Variants in SULT1A1 observed in about 807,000 individuals in gnomAD.
The protein encoded by SULT1A1 is sulfotransferase family 1A member 1, also known as sulfotransferase 1A1.
A neutral mutation model predicts 36.8 loss-of-function variants in SULT1A1; 35 were observed. The observed-to-expected ratio is 0.95, with a 90% confidence interval of 0.73 to 1.26. The LOEUF (loss-of-function observed/expected upper bound fraction) is 1.26, where lower values mean the gene tolerates loss of function less well. Among genes scored for constraint, SULT1A1 ranks in the 50% most tolerant of loss-of-function variants. The pLI, the probability that SULT1A1 is intolerant of heterozygous loss-of-function variation, is 0.00. For missense variants in SULT1A1, 309 were observed against 383.0 expected (o/e 0.81, Z 1.61); for synonymous variants, 119 against 146.0 (o/e 0.82, Z 1.33).
At position 28,609,331 on chromosome 16, in the gene SULT1A1, G is replaced by A. The variant is rs35067810; in HGVS notation, c.-4-472C>T. On this transcript the variant is annotated intron_variant, in intron 1 of 7. Coordinates refer to ENST00000314752, the MANE Select transcript of SULT1A1 (RefSeq NM_001055.4). The stretch of plus-strand genomic sequence containing the variant: ...CCTCAGCCCCTCACATGTGGAAACC[G>A]CCCAGGCCAGCCAGGCCTGTGATCC... 941 of 1,285,974 alleles carry A rather than the reference G, an allele frequency of 7.3e-4. 4 individuals carry two copies. The African/African-American group carries it at 0.013, about 18-fold the overall frequency. 79.7% of individuals were successfully genotyped at this position (1,285,974 alleles called of 1,614,324 possible). A position where few individuals can be genotyped will look rare whatever the true frequency, so the allele number is the denominator to read the frequency against.
At chr16:28,620,136 AT>A (rs772627531) in intron 1 of SULT1A1, 61 of 1,612,042 alleles carry the variant, frequency 3.8e-5, no homozygotes, top group Non-Finnish European at 5.0e-5. Context: ...GCTCATACCT[AT>A]TTGCAAAAAC....
rs867573386 is a variant in SULT1A1 at position 28,607,109 on chromosome 16, A to G, written c.373-32T>C. ...GGGCAGAAGACTCAACCCCAGCACCATCACCACACAGCCTGTCCCAGGCCA... is the reference window on the plus strand; with the variant it reads ...GGGCAGAAGACTCAACCCCAGCACCGTCACCACACAGCCTGTCCCAGGCCA... On this transcript the variant is annotated intron_variant, in intron 4 of 7. Transcript: ENST00000314752. The G allele has an allele frequency of 1.4e-5, 23 of 1,610,288 alleles. No homozygotes were observed. The Middle Eastern group carries it at 2.5e-3, about 174-fold the overall frequency.
At position 28,618,339 on chromosome 16, in the gene SULT1A1, CTTT is replaced by C. The variant is rs546277570; in HGVS notation, c.138+1721_138+1723del. 1.6e-3 allele frequency among the ~76,000 whole-genome samples: 113 copies of C among 72,402 alleles called. No individual in the cohort carries two copies. The East Asian group carries it at 0.051, about 32-fold the overall frequency. The allele number at this position is 72,402 out of a possible 152,430, so 47.5% of individuals were successfully genotyped here. ...AAGTGTGAGCCGGCTACTTCCCGCT[CTTT>C]TTTTTTTTTTTTTTTTTTTTTGAGA... On this transcript the variant is annotated intron_variant, in intron 2 of 5. Coordinates refer to the SULT1A1 transcript ENST00000350842.
At chr16:28,619,204 G>C (rs987695738) in intron 2 of SULT1A1, among the ~76,000 whole-genome samples, 1 of 151,972 alleles carries the variant, frequency 6.6e-6, no homozygotes, top group African/African-American at 2.4e-5. Flanking sequence ...GTAGAGACAG[G>C]GTTTCACCAT....
intron 1 of SULT1A1, among the ~76,000 whole-genome samples, chr16:28,621,922 CCT>C (rs1262184302): frequency 6.6e-6 from 1 of 152,194 alleles, no homozygotes; most frequent in Non-Finnish European, 1.5e-5. Context: ...AGCCTCCTGA[CCT>C]CAACCTGTTC....
Position 28,617,974 on chromosome 16 carries a change from T to G in SULT1A1, c.138+2089A>C, listed in dbSNP as rs561647426. Among the ~76,000 whole-genome samples the G allele has an allele frequency of 2.2e-4, 33 of 152,190 alleles. No homozygotes were observed. In the South Asian group the frequency reaches 4.4e-3, roughly 20 times the overall value. On this transcript the variant is annotated intron_variant, in intron 2 of 5. Coordinates refer to the SULT1A1 transcript ENST00000350842. The stretch of plus-strand genomic sequence containing the variant: ...GTTTTTTAAAACAGTATGCAAATAT[T>G]CCTGCGGTTTTGTTCATTTACAAAT...
chr16:28,611,159 T>C (rs116852869), upstream of SULT1A1: 1,679 of 152,240 alleles, frequency 0.011, 47 homozygotes, highest in Non-Finnish European at 0.014. Context: ...TATTGCACTC[T>C]AGTAACAACC....
intron 1 of SULT1A1, among the ~76,000 whole-genome samples, chr16:28,621,098 C>T (rs916005634): frequency 2.0e-5 from 3 of 150,794 alleles, no homozygotes; most frequent in East Asian, 1.9e-4. Context: ...GATGATAAAG[C>T]GAGACTCTGT....
upstream of SULT1A1, chr16:28,611,513 CTT>C (rs1013090824): frequency 1.3e-5 from 2 of 152,370 alleles, no homozygotes; most frequent in Non-Finnish European, 2.9e-5. Flanking sequence ...CTTGAGAAAT[CTT>C]TACCTTTTCC....
chr16:28,609,561 G>T, intron 1 of SULT1A1: 1 of 461,514 alleles, frequency 2.2e-6, no homozygotes, highest in Non-Finnish European at 3.7e-6. Context: ...ACCTGGTGCA[G>T]CATTGCAAGA....
chr16:28,618,819 C>A (rs925461916), intron 2 of SULT1A1, among the ~76,000 whole-genome samples: 1 of 152,154 alleles, frequency 6.6e-6, no homozygotes, highest in African/African-American at 2.4e-5. Flanking sequence ...AAAACATTGG[C>A]TCTGAATGTG....
At chr16:28,608,214 C>T in intron 4 of SULT1A1, 77 bp downstream of exon 4, 2 of 1,580,088 alleles carry the variant, frequency 1.3e-6, no homozygotes, top group African/African-American at 1.3e-5. Flanking sequence ...CTCAAACTCC[C>T]AACCTCAGGT....
At chr16:28,606,916 T>A in intron 5 of SULT1A1, 35 bp downstream of exon 5, 1 of 1,610,744 alleles carries the variant, frequency 6.2e-7, no homozygotes, top group Non-Finnish European at 8.5e-7. Context: ...CACCACCCCT[T>A]AGCTCCACAC....
At position 28,617,772 on chromosome 16, in the gene SULT1A1, C is replaced by G. The variant is rs528260577; in HGVS notation, c.138+2291G>C. On this transcript the variant is annotated intron_variant, in intron 2 of 5. Transcript: ENST00000350842. ...GGCCAGGATGGTCTCAATCTCTTGACCTAGTGATCCGCCTGCCAAAGTGCT... is the reference window on the plus strand; with the variant it reads ...GGCCAGGATGGTCTCAATCTCTTGAGCTAGTGATCCGCCTGCCAAAGTGCT... Among the ~76,000 whole-genome samples, 9 of 152,164 alleles carry G rather than the reference C, an allele frequency of 5.9e-5. No individual in the cohort carries two copies. The South Asian group carries it at 1.9e-3, about 32-fold the overall frequency.
At chr16:28,614,757 T>C (rs72483420), upstream of SULT1A1, 21,360 of 132,770 alleles carry the variant, frequency 0.16, 4,601 homozygotes, top group African/African-American at 0.36. Context: ...ATTGTGCTGC[T>C]GGACCTGACA....
At chr16:28,618,572 C>T (rs1180788453) in intron 2 of SULT1A1, among the ~76,000 whole-genome samples, 1 of 151,830 alleles carries the variant, frequency 6.6e-6, no homozygotes, top group Non-Finnish European at 1.5e-5. Flanking sequence ...TCTCGATCTC[C>T]CGACCTTGTG....
intron 2 of SULT1A1, 50 bp from the exon 3 acceptor site, chr16:28,608,653 C>T: frequency 6.2e-7 from 1 of 1,611,204 alleles, no homozygotes; most frequent in Non-Finnish European, 8.5e-7. Context: ...CACGACCTCG[C>T]TGGCCAAGGT....
intron 1 of SULT1A1, among the ~76,000 whole-genome samples, chr16:28,621,274 G>T: frequency 6.6e-6 from 1 of 151,814 alleles, no homozygotes; most frequent in Non-Finnish European, 1.5e-5. Context: ...TTGAGTTCAG[G>T]AGTTCGAGAC....
At chr16:28,615,207 C>T (rs1343839178) in intron 2 of SULT1A1, among the ~76,000 whole-genome samples, 2 of 111,512 alleles carry the variant, frequency 1.8e-5, no homozygotes, top group African/African-American at 6.2e-5. Flanking sequence ...AGAAAAACTC[C>T]ACAGAGCGTG....
Sources: allele counts gnomAD v4.1 joint callset (sites outside exome capture counted in the v4.1 genomes callset), GRCh38; gene constraint gnomAD v4.1.1; transcripts MANE v1.5; gene names NCBI Gene and HGNC (gene_info 2026-07-23, HGNC 2026-07-21).